The following NUP205 variants were observed in gnomAD, a reference collection of about 807,000 sequenced individuals.
NUP205 encodes the protein nuclear pore complex protein Nup205.
In NUP205, 76 loss-of-function variants were observed where a neutral mutation model predicts 253.8. The observed-to-expected ratio is 0.30, with a 90% confidence interval of 0.25 to 0.36. The LOEUF is 0.36. Among genes scored for constraint, NUP205 ranks in the 10% least tolerant of loss-of-function variants. NUP205 has a pLI of 1.00. For synonymous variants in NUP205, 832 were observed against 850.1 expected (o/e 0.98, Z 0.37); for missense variants, 2,162 against 2,425.5 (o/e 0.89, Z 2.28).
intron 2 of NUP205, among the ~76,000 whole-genome samples, chr7:135,573,381 T>G (rs944972342): frequency 2.6e-5 from 4 of 152,212 alleles, no homozygotes; most frequent in Admixed American, 2.6e-4. Flanking sequence ...TGTAGAAACT[T>G]GAAAAATAGT....
intron 1 of NUP205, among the ~76,000 whole-genome samples, chr7:135,563,023 A>C (rs775019121): frequency 2.0e-5 from 3 of 152,112 alleles, no homozygotes; most frequent in Non-Finnish European, 4.4e-5. Context: ...CCTGTCAGTT[A>C]ACTATCACTT....
chr7:135,564,245 A>ATTT (rs35094813), intron 1 of NUP205, among the ~76,000 whole-genome samples: 1 of 124,024 alleles, frequency 8.1e-6, no homozygotes, highest in African/African-American at 3.1e-5. Context: ...ATGCCCAGCT[A>ATTT]TTTTTTTTTT....
At chr7:135,594,787 A>G in intron 13 of NUP205, 58 bp downstream of exon 13, 1 of 1,337,816 alleles carries the variant, frequency 7.5e-7, no homozygotes, top group Middle Eastern at 2.0e-4. Context: ...GGGCTTGATA[A>G]TACCATAGAA....
At chr7:135,598,750 C>A (rs567845069) in intron 15 of NUP205, 1 of 152,848 alleles carries the variant, frequency 6.5e-6, no homozygotes, top group Admixed American at 6.5e-5. Context: ...TTATATAATT[C>A]CAATATTACC....
intron 19 of NUP205, among the ~76,000 whole-genome samples, chr7:135,605,167 G>A (rs778440391): frequency 1.3e-5 from 2 of 152,024 alleles, no homozygotes; most frequent in Admixed American, 6.6e-5. Flanking sequence ...CGATCCTACA[G>A]GTGCATGCCA....
chr7:135,564,419 T>G (rs895493298), intron 1 of NUP205, among the ~76,000 whole-genome samples: 12 of 151,280 alleles, frequency 7.9e-5, no homozygotes, highest in Non-Finnish European at 1.8e-4. Flanking sequence ...GCTAATTTTT[T>G]TGTGTGTGTT....
At chr7:135,567,302 G>C (rs1474254780) in intron 1 of NUP205, among the ~76,000 whole-genome samples, 2 of 147,110 alleles carry the variant, frequency 1.4e-5, no homozygotes, top group Non-Finnish European at 3.0e-5. Context: ...TTTTTTTCAG[G>C]CTGGGTGCAG....
At position 135,589,192 on chromosome 7, in the gene NUP205, G is replaced by A. The variant is rs1198261862; in HGVS notation, c.1473+1200G>A. 4.0e-5 allele frequency among the ~76,000 whole-genome samples: 6 copies of A among 149,704 alleles called. 1 individual carries two copies. Among genetic ancestry groups the A allele is most frequent in the Admixed American group, 2.7e-4 (4 of 14,994 alleles). On this transcript the variant is annotated intron_variant, in intron 10 of 42. Transcript: ENST00000285968. ...CTCTTTAAAAAAAAAAAAAGAGTTG[G>A]CAGGAGATTGCCATGTTCATTTTGG... is the stretch of plus-strand genomic sequence containing the variant.
Position 135,626,270 on chromosome 7 carries a change from C to G in NUP205, c.4702C>G (p.Gln1568Glu), listed in dbSNP as rs1322986023. 6.2e-7 allele frequency: 1 copy of G among 1,614,110 alleles called. No homozygotes were observed. Among genetic ancestry groups the G allele is most frequent in the Non-Finnish European group, 8.5e-7 (1 of 1,179,970 alleles). The change falls in exon 33 of 43, where the codon CAG becomes GAG. Residue 1568 changes from glutamine to glutamate, a missense_variant. By Grantham distance (29) the Gln-to-Glu change is conservative. Transcript: ENST00000285968. Reference sequence around the variant, plus strand: ...TCTCACAAGAGTGGCAAAGATACAGCAGGGTGCATTAGAGCTGCTAAGATC... The same window carrying G: ...TCTCACAAGAGTGGCAAAGATACAGGAGGGTGCATTAGAGCTGCTAAGATC... Reference protein sequence around the residue: ...AFLTRVAKIQQGALELLRSGV... With the variant: ...AFLTRVAKIQEGALELLRSGV...
In NUP205 at chr7:135,620,918, C is replaced by A. The variant is rs546388667; in HGVS notation, c.4330+1030C>A. Among the ~76,000 whole-genome samples the A allele has an allele frequency of 2.8e-3, 433 of 152,296 alleles. 1 individual carries two copies. Among genetic ancestry groups the A allele is most frequent in the Non-Finnish European group, 4.7e-3 (318 of 68,032 alleles). ...GTTAGCATTTTTAATTGAAACTAAT[C>A]TTAAGACATGAAAATGTTATTAAGT... On this transcript the variant is annotated intron_variant, in intron 30 of 42. Coordinates refer to ENST00000285968, the MANE Select transcript of NUP205 (RefSeq NM_015135.3).
chr7:135,577,803 A>T lies in NUP205; in HGVS notation c.656A>T (p.Asp219Val). The T allele has an allele frequency of 6.2e-7, 1 of 1,612,276 alleles. No homozygotes were observed. The highest frequency in any genetic ancestry group is 8.5e-7 in the Non-Finnish European group (1 of 1,178,432). Residue 219 changes from aspartate to valine, a missense_variant, in exon 6 of 43, where the codon GAT becomes GTT. Physicochemically the swap from Asp to Val is radical, Grantham distance 152. Coordinates refer to ENST00000285968, the MANE Select transcript of NUP205 (RefSeq NM_015135.3). ...TCATGTTTTTATTTCTAGGTTTCTG[A>T]TCTCATTAAGGAGTGCAGGCAGTCT... is the stretch of plus-strand genomic sequence containing the variant. Reference protein sequence around the residue: ...GSEKHRKEVSDLIKECRQSLA... With the variant: ...GSEKHRKEVSVLIKECRQSLA...
chr7:135,612,231 G>A (rs1018578966), intron 22 of NUP205, among the ~76,000 whole-genome samples: 5 of 152,208 alleles, frequency 3.3e-5, no homozygotes, highest in Non-Finnish European at 7.3e-5. Context: ...AACTGAATTG[G>A]TGAATTCATT....
rs73158992 is a variant in NUP205 at position 135,622,769 on chromosome 7, C to A, written c.4331-8C>A. 6.2e-7 allele frequency: 1 copy of A among 1,607,716 alleles called. No individual in the cohort carries two copies. The highest frequency in any genetic ancestry group is 8.5e-7 in the Non-Finnish European group (1 of 1,177,334). On this transcript the variant is annotated splice_region_variant and splice_polypyrimidine_tract_variant and intron_variant, in intron 30 of 42. Coordinates refer to ENST00000285968, the MANE Select transcript of NUP205 (RefSeq NM_015135.3). The stretch of plus-strand genomic sequence containing the variant: ...CTGGAGTGTTTTTTTCTGTTTTAAT[C>A]CTTTTAGCCAAGAAAACCATGTGGG...
At position 135,602,956 on chromosome 7, in the gene NUP205, C is replaced by G; in HGVS notation, c.2664C>G (p.Pro888=). The change falls in exon 18 of 43, where the codon CCC becomes CCG. Residue 888 remains proline, a synonymous_variant. Coordinates refer to ENST00000285968, the MANE Select transcript of NUP205 (RefSeq NM_015135.3). The part of the protein sequence containing the change: ...PLEQLLQGIN[P]RTKKADNVVN... ...AACAGCTTTTGCAGGGAATTAATCC[C>G]AGAACTAAGAAGGCAGATAATGTGG... 1 of 1,613,226 alleles carries G rather than the reference C, an allele frequency of 6.2e-7. No individual in the cohort carries two copies. The highest frequency in any genetic ancestry group is 2.2e-5 in the East Asian group (1 of 44,826).
intron 11 of NUP205, 38 bp from the exon 12 acceptor site, chr7:135,592,949 G>GT (rs1221308073): frequency 2.1e-6 from 3 of 1,406,584 alleles, no homozygotes; most frequent in Non-Finnish European, 3.0e-6. Context: ...ATGCTTAGAT[G>GT]TTTTTTAAAT....
intron 35 of NUP205, among the ~76,000 whole-genome samples, chr7:135,631,794 G>T (rs1210950622): frequency 6.8e-6 from 1 of 146,192 alleles, no homozygotes; most frequent in Non-Finnish European, 1.5e-5. Flanking sequence ...CTGTCGCCCA[G>T]GCTAGAGTGC....
At chr7:135,563,359 T>C (rs1805645379) in intron 1 of NUP205, among the ~76,000 whole-genome samples, 1 of 152,028 alleles carries the variant, frequency 6.6e-6, no homozygotes, top group Admixed American at 6.5e-5. Context: ...GGCTAATTTT[T>C]TGTATTTTTG....
intron 6 of NUP205, 35 bp downstream of exon 6, chr7:135,578,059 A>T: frequency 6.8e-7 from 1 of 1,470,512 alleles, no homozygotes; most frequent in Non-Finnish European, 9.5e-7. Context: ...ACATTAAAAA[A>T]ATCAGATTTA....
chr7:135,571,385 C>A (rs1409873653), intron 2 of NUP205, 138 bp downstream of exon 2: 5 of 413,126 alleles, frequency 1.2e-5, no homozygotes, highest in Non-Finnish European at 2.0e-5. Flanking sequence ...CTCATGAGGT[C>A]CTGATGACAT....
Sources: allele counts gnomAD v4.1 joint callset (sites outside exome capture counted in the v4.1 genomes callset), GRCh38; gene constraint gnomAD v4.1.1; transcripts MANE v1.5; gene names NCBI Gene and HGNC (gene_info 2026-07-23, HGNC 2026-07-21).